The following PCDHGB5 variants were observed in gnomAD, a reference collection of about 807,000 sequenced individuals.
PCDHGB5 encodes protocadherin gamma-B5.
Under a neutral mutation model 62.9 loss-of-function variants are expected in PCDHGB5, and 48 were observed. That is an observed-to-expected ratio of 0.76 (90% CI 0.61 to 0.97). The LOEUF is 0.97. Ranked by LOEUF, PCDHGB5 falls within the 50% of genes least tolerant of loss-of-function variation. The pLI, the probability that PCDHGB5 is intolerant of heterozygous loss-of-function variation, is 0.00. For missense variants in PCDHGB5, 1,118 were observed against 1,198.6 expected (o/e 0.93, Z 0.99); for synonymous variants, 474 against 511.2 (o/e 0.93, Z 0.98).
At chr5:141,403,227 G>A (rs2094378929) in intron 1 of PCDHGB5, 4 of 1,608,848 alleles carry the variant, frequency 2.5e-6, no homozygotes, top group African/African-American at 1.3e-5. Flanking sequence ...AGGATAGACC[G>A]GGAGGAGCTC....
intron 1 of PCDHGB5, among the ~76,000 whole-genome samples, chr5:141,443,667 C>G (rs62379164): frequency 0.042 from 6,382 of 152,210 alleles, 168 homozygotes; most frequent in Middle Eastern, 0.088. Flanking sequence ...TTTTACTGAA[C>G]TAGTAGTTTA....
At chr5:141,404,382 A>T in intron 1 of PCDHGB5, 2 of 1,613,978 alleles carry the variant, frequency 1.2e-6, no homozygotes, top group Non-Finnish European at 1.7e-6. Context: ...GTGATTGCCT[A>T]TGACCCTGAT....
rs752796935 is a variant in PCDHGB5, at chr5:141,399,900, C to T, written c.1773C>T (p.Asp591=). ...TGGTGACCAAGGTAGTGGCCGTGGACGCAGACTCAGGACACAACGCCTGGC... is the reference window on the plus strand; with the variant it reads ...TGGTGACCAAGGTAGTGGCCGTGGATGCAGACTCAGGACACAACGCCTGGC... ...GYLVTKVVAV[D]ADSGHNAWLS... The change falls in exon 1 of 4, where the codon GAC becomes GAT. Residue 591 remains aspartate (D), a synonymous_variant. Coordinates refer to ENST00000617380, the MANE Select transcript of PCDHGB5 (RefSeq NM_018925.3). The T allele has an allele frequency of 7.4e-6, 12 of 1,612,414 alleles. 1 individual carries two copies. In the South Asian group the frequency reaches 9.9e-5, roughly 13 times the overall value.
intron 1 of PCDHGB5, among the ~76,000 whole-genome samples, chr5:141,452,664 T>C (rs557662640): frequency 6.6e-6 from 1 of 151,058 alleles, no homozygotes; most frequent in South Asian, 2.1e-4. Context: ...TCCACTGCAC[T>C]CCAGCCTAGG....
intron 1 of PCDHGB5, chr5:141,418,442 G>C: frequency 6.2e-7 from 1 of 1,614,010 alleles, no homozygotes; most frequent in Non-Finnish European, 8.5e-7. Flanking sequence ...TCCAGAATTA[G>C]TATTGCAGAA....
intron 1 of PCDHGB5, chr5:141,419,733 AGGTGCGCATGGTGCGTGCTTTG>A (rs763538035): frequency 1.1e-5 from 18 of 1,613,646 alleles, no homozygotes; most frequent in Non-Finnish European, 1.4e-5. Context: ...CGAACAGGCG[AGGTGCGCATGGTGCGTGCTTTG>A]GGTGACAAGG....
intron 1 of PCDHGB5, chr5:141,404,899 T>C (rs768489392): frequency 6.2e-7 from 1 of 1,613,718 alleles, no homozygotes; most frequent in East Asian, 2.2e-5. Flanking sequence ...TACAGGACCA[T>C]GGCCAGCCCC....
At chr5:141,410,659 C>T (rs1481225976) in intron 1 of PCDHGB5, 5 of 1,571,890 alleles carry the variant, frequency 3.2e-6, no homozygotes, top group Non-Finnish European at 4.3e-6. Flanking sequence ...ATCTAATAGT[C>T]TACTAGTTTC....
chr5:141,477,475 C>A lies in PCDHGB5; in HGVS notation c.2398-17332C>A. ...TTCAAGTGTCCGACATCAATGACAA[C>A]CCTCCACAATCTTCTCAATCTTCCT... On this transcript the variant is annotated intron_variant, in intron 1 of 3. Coordinates refer to ENST00000617380, the MANE Select transcript of PCDHGB5 (RefSeq NM_018925.3). The surrounding 1 kb of genome is among the most constrained non-coding windows in gnomAD (Gnocchi z 4.9). The A allele has an allele frequency of 3.1e-6, 5 of 1,614,124 alleles. No homozygotes were observed. The highest frequency in any genetic ancestry group is 4.2e-6 in the Non-Finnish European group (5 of 1,180,030).
intron 1 of PCDHGB5, chr5:141,413,423 C>A (rs770419729): frequency 6.2e-7 from 1 of 1,614,078 alleles, no homozygotes; most frequent in Non-Finnish European, 8.5e-7. Flanking sequence ...TCTCTGAACC[C>A]GCGCAGCGGC....
At chr5:141,502,274 A>G (rs573517581) in intron 2 of PCDHGB5, among the ~76,000 whole-genome samples, 18 of 152,128 alleles carry the variant, frequency 1.2e-4, no homozygotes, top group African/African-American at 4.1e-4. Context: ...ATCAAGGAGC[A>G]TAGATTGCAT....
At position 141,485,831 on chromosome 5, in the gene PCDHGB5, C is replaced by A; in HGVS notation, c.2398-8976C>A. The A allele has an allele frequency of 6.2e-7, 1 of 1,614,080 alleles. No individual in the cohort carries two copies. Among genetic ancestry groups the A allele is most frequent in the Non-Finnish European group, 8.5e-7 (1 of 1,180,026 alleles). ...GCTGACTGCTGTCGATGGAGGGAAC[C>A]CGCCGAGATCTGGCACCGCAGAGCT... On this transcript the variant is annotated intron_variant, in intron 1 of 3. Coordinates refer to ENST00000617380, the MANE Select transcript of PCDHGB5 (RefSeq NM_018925.3). The surrounding 1 kb of genome is among the most constrained non-coding windows in gnomAD (Gnocchi z 5.7).
intron 2 of PCDHGB5, among the ~76,000 whole-genome samples, chr5:141,503,595 G>A (rs6892628): frequency 7.1e-6 from 1 of 140,086 alleles, no homozygotes. Context: ...CGAGACTCCA[G>A]CTCAAAAAAA....
At chr5:141,401,566 C>G (rs2094168998) in intron 1 of PCDHGB5, among the ~76,000 whole-genome samples, 1 of 152,312 alleles carries the variant, frequency 6.6e-6, no homozygotes, top group African/African-American at 2.4e-5. Context: ...CTGAATTTCT[C>G]TTGCTCGGAA....
At chr5:141,508,483 G>T (rs1186425031) in intron 3 of PCDHGB5, among the ~76,000 whole-genome samples, 2 of 152,154 alleles carry the variant, frequency 1.3e-5, no homozygotes, top group East Asian at 3.9e-4. Context: ...TTACATTCTG[G>T]ATTTCCATAT....
chr5:141,410,018 T>C (rs773806211), intron 1 of PCDHGB5: 1 of 1,613,166 alleles, frequency 6.2e-7, no homozygotes, highest in African/African-American at 1.3e-5. Context: ...CTGGCTGTCC[T>C]ACCACGTGCT....
chr5:141,496,523 G>T (rs1159517569), intron 2 of PCDHGB5, among the ~76,000 whole-genome samples: 1 of 152,128 alleles, frequency 6.6e-6, no homozygotes, highest in Non-Finnish European at 1.5e-5. Context: ...GGAGCCCTTG[G>T]TGTATGGCAG....
At chr5:141,510,850 G>A in intron 3 of PCDHGB5, 97 bp from the exon 4 acceptor site, 4 of 1,599,444 alleles carry the variant, frequency 2.5e-6, no homozygotes, top group South Asian at 1.1e-5. Context: ...AAGGCCCAGG[G>A]TGCTGTATAG....
At chr5:141,438,268 C>T (rs949472857) in intron 1 of PCDHGB5, among the ~76,000 whole-genome samples, 1 of 152,054 alleles carries the variant, frequency 6.6e-6, no homozygotes. Flanking sequence ...ACCATAGAAT[C>T]AAACAAAATA....
Sources: gnomAD v4.1 joint callset for allele counts (sites outside exome capture counted in the v4.1 genomes callset) on GRCh38, gnomAD v4.1.1 for gene constraint, Gnocchi (gnomAD v3.1) non-coding constraint, MANE v1.5 for transcripts, NCBI Gene and HGNC (gene_info 2026-07-23, HGNC 2026-07-21) for gene names.